SLC14A2: variants seen among roughly 807,000 people sequenced by gnomAD.
SLC14A2 encodes urea transporter 2.
A neutral mutation model predicts 104.6 loss-of-function variants in SLC14A2; 91 were observed. The ratio of observed to expected loss-of-function variants is 0.87; its 90% CI spans 0.73 to 1.04. The LOEUF (loss-of-function observed/expected upper bound fraction) is 1.04, where lower values mean the gene tolerates loss of function less well. Ranked by LOEUF, SLC14A2 falls within the 50% of genes least tolerant of loss-of-function variation. The pLI is 0.00. For synonymous variants in SLC14A2, 476 were observed against 466.4 expected, an observed-to-expected ratio of 1.02 and a Z score of -0.27; for missense variants, 1,189 against 1,156.0, an observed-to-expected ratio of 1.03 and a Z score of -0.41.
intron 1 of SLC14A2, among the ~76,000 whole-genome samples, chr18:45,229,147 T>C (rs62092153): frequency 0.11 from 17,236 of 152,196 alleles, 1,000 homozygotes; most frequent in Non-Finnish European, 0.12. Context: ...CTCAATAAAA[T>C]ACGTTCAAGG....
intron 1 of SLC14A2, among the ~76,000 whole-genome samples, chr18:45,472,637 CT>C (rs2087273091): frequency 6.6e-6 from 1 of 152,248 alleles, no homozygotes; most frequent in Non-Finnish European, 1.5e-5. Flanking sequence ...TGATGATGAG[CT>C]TTTTTTCATA....
At chr18:45,212,190 G>A (rs1377220421), upstream of SLC14A2, among the ~76,000 whole-genome samples, 3 of 152,164 alleles carry the variant, frequency 2.0e-5, no homozygotes, top group Non-Finnish European at 4.4e-5. Context: ...CTTTTGCATA[G>A]AAGGTATTTT....
At chr18:45,308,143 C>G (rs984013674) in intron 1 of SLC14A2, among the ~76,000 whole-genome samples, 3 of 152,176 alleles carry the variant, frequency 2.0e-5, no homozygotes, top group Non-Finnish European at 4.4e-5. Context: ...CCAAACACCT[C>G]CCGGTATGTC....
At chr18:45,505,070 A>T (rs914087411) in intron 2 of SLC14A2, among the ~76,000 whole-genome samples, 2 of 151,328 alleles carry the variant, frequency 1.3e-5, no homozygotes, top group African/African-American at 4.8e-5. Context: ...AAAGAAAAAT[A>T]AAAGTAAAGT....
chr18:45,527,836 T>C (rs1055562287), intron 2 of SLC14A2: 2 of 152,228 alleles, frequency 1.3e-5, no homozygotes, highest in African/African-American at 4.8e-5. Flanking sequence ...TCTTGTCTAC[T>C]ATGCACAATT....
At chr18:45,512,502 A>C (rs1212094151) in intron 2 of SLC14A2, among the ~76,000 whole-genome samples, 1 of 152,168 alleles carries the variant, frequency 6.6e-6, no homozygotes, top group Non-Finnish European at 1.5e-5. Flanking sequence ...TCATTTTGGC[A>C]GGTAACTCCC....
At chr18:45,251,403 C>G (rs372862521) in intron 1 of SLC14A2, among the ~76,000 whole-genome samples, 1 of 152,162 alleles carries the variant, frequency 6.6e-6, no homozygotes, top group African/African-American at 2.4e-5. Flanking sequence ...CCACTATATT[C>G]GAGAGGCCCA....
chr18:45,297,134 G>A (rs1191336119), intron 1 of SLC14A2, among the ~76,000 whole-genome samples: 1 of 152,102 alleles, frequency 6.6e-6, no homozygotes, highest in Non-Finnish European at 1.5e-5. Flanking sequence ...GAAAGATATT[G>A]GACATTAACA....
intron 1 of SLC14A2, among the ~76,000 whole-genome samples, chr18:45,270,053 T>G (rs1213017667): frequency 6.6e-6 from 1 of 152,200 alleles, no homozygotes; most frequent in Non-Finnish European, 1.5e-5. Flanking sequence ...AACAGATATT[T>G]GCATTAAATA....
chr18:45,192,636 G>GTTTT, the SLC14A2 span, among the ~76,000 whole-genome samples: 8 of 112,748 alleles, frequency 7.1e-5, no homozygotes, highest in South Asian at 5.1e-4. Flanking sequence ...GTGTGTGTGT[G>GTTTT]GTTTTTTTTT....
At chr18:45,670,901 G>A (rs1397670580) in intron 16 of SLC14A2, among the ~76,000 whole-genome samples, 3 of 152,126 alleles carry the variant, frequency 2.0e-5, no homozygotes, top group Non-Finnish European at 4.4e-5. Context: ...GGCCTCAAGC[G>A]ATCATGCCAC....
chr18:45,321,248 G>A (rs1297474314), intron 1 of SLC14A2, among the ~76,000 whole-genome samples: 4 of 152,126 alleles, frequency 2.6e-5, no homozygotes, highest in South Asian at 2.1e-4. Context: ...AGATTACTAC[G>A]GGATTATTAA....
chr18:45,322,336 G>A (rs2085193471), intron 1 of SLC14A2, among the ~76,000 whole-genome samples: 1 of 152,156 alleles, frequency 6.6e-6, no homozygotes, highest in African/African-American at 2.4e-5. Context: ...CTGTGACTCA[G>A]TGCATCAATT....
intron 1 of SLC14A2, among the ~76,000 whole-genome samples, chr18:45,291,831 G>C (rs1211502781): frequency 6.6e-6 from 1 of 151,148 alleles, no homozygotes; most frequent in Non-Finnish European, 1.5e-5. Context: ...GGGGGCGGTT[G>C]GGGGGGTGGG....
chr18:45,634,575 C>T (rs944338203), intron 5 of SLC14A2, among the ~76,000 whole-genome samples: 1 of 152,130 alleles, frequency 6.6e-6, no homozygotes, highest in African/African-American at 2.4e-5. Context: ...CAGAAGCAGC[C>T]CCCAACTGGG....
intron 1 of SLC14A2, among the ~76,000 whole-genome samples, chr18:45,314,218 A>G (rs921955638): frequency 6.6e-6 from 1 of 152,216 alleles, no homozygotes; most frequent in Non-Finnish European, 1.5e-5. Flanking sequence ...TAGGGAAACA[A>G]TATCAATCTT....
At chr18:45,173,487 GAAA>G in the SLC14A2 span, among the ~76,000 whole-genome samples, 1 of 137,932 alleles carries the variant, frequency 7.2e-6, no homozygotes, top group Admixed American at 7.2e-5. Context: ...AGGGAGAAAA[GAAA>G]AAAAAAAAAG....
Position 45,682,527 on chromosome 18 carries a change from T to C in SLC14A2, c.*8T>C. ...GCCTACGATGTCTCCTAAGTTTCCC[T>C]GTCTAAAACACATCAGTGTAAATTC... On this transcript the variant is annotated 3_prime_UTR_variant, in exon 20 of 20. Transcript: ENST00000255226. 1 of 1,611,020 alleles carries C rather than the reference T, an allele frequency of 6.2e-7. No homozygotes were observed. Among genetic ancestry groups the C allele is most frequent in the Non-Finnish European group, 8.5e-7 (1 of 1,177,160 alleles).
chr18:45,446,406 A>G (rs2086770560), intron 1 of SLC14A2, among the ~76,000 whole-genome samples: 1 of 152,204 alleles, frequency 6.6e-6, no homozygotes, highest in Admixed American at 6.5e-5. Flanking sequence ...TTTCCACCAC[A>G]TAAGAACACA....
Sources: allele counts gnomAD v4.1 joint callset (sites outside exome capture counted in the v4.1 genomes callset), GRCh38; gene constraint gnomAD v4.1.1; transcripts MANE v1.5; gene names NCBI Gene and HGNC (gene_info 2026-07-23, HGNC 2026-07-21).